NKAIN3: variants seen among roughly 807,000 people sequenced by gnomAD.
NKAIN3 encodes the protein sodium/potassium-transporting ATPase subunit beta-1-interacting protein 3.
In NKAIN3, 25 loss-of-function variants were observed where a neutral mutation model predicts 30.2. The ratio of observed to expected loss-of-function variants is 0.83; its 90% CI spans 0.60 to 1.16. The LOEUF (loss-of-function observed/expected upper bound fraction) is 1.16, where lower values mean the gene tolerates loss of function less well. NKAIN3 is among the 50% of genes most tolerant of loss of function. NKAIN3 has a pLI of 0.00. For missense variants in NKAIN3, 225 were observed against 254.1 expected (o/e 0.89, Z 0.78); for synonymous variants, 91 against 89.6 (o/e 1.02, Z -0.09).
chr8:62,320,583 C>T (rs1289923457), intron 1 of NKAIN3, among the ~76,000 whole-genome samples: 1 of 152,084 alleles, frequency 6.6e-6, no homozygotes, highest in Non-Finnish European at 1.5e-5. Flanking sequence ...ATTTCTCTTT[C>T]ACTTATGAAG....
chr8:62,317,436 T>C (rs752806118), intron 1 of NKAIN3, among the ~76,000 whole-genome samples: 6 of 152,218 alleles, frequency 3.9e-5, no homozygotes, highest in Non-Finnish European at 7.3e-5. Context: ...TCAATCCATC[T>C]TGAATTAATT....
chr8:62,694,234 C>G (rs1378859948), intron 3 of NKAIN3, among the ~76,000 whole-genome samples: 1 of 152,108 alleles, frequency 6.6e-6, no homozygotes, highest in Non-Finnish European at 1.5e-5. Context: ...CATTCATTCT[C>G]CCCACTACCC....
intron 1 of NKAIN3, among the ~76,000 whole-genome samples, chr8:62,519,008 A>G (rs1296539355): frequency 6.6e-6 from 1 of 150,832 alleles, no homozygotes. Context: ...TGAAGTGGAT[A>G]TATTTTCCCT....
chr8:62,577,939 A>G (rs997208498), intron 1 of NKAIN3, among the ~76,000 whole-genome samples: 8 of 151,998 alleles, frequency 5.3e-5, no homozygotes, highest in African/African-American at 1.9e-4. Context: ...AGGTAAATTC[A>G]GCTTACTGGA....
intron 3 of NKAIN3, among the ~76,000 whole-genome samples, chr8:62,650,261 A>C (rs1311122655): frequency 6.6e-6 from 1 of 151,946 alleles, no homozygotes; most frequent in Non-Finnish European, 1.5e-5. Flanking sequence ...CTTCTTTCCT[A>C]CTCAAATTAT....
intron 1 of NKAIN3, among the ~76,000 whole-genome samples, chr8:62,489,172 A>G (rs1806993017): frequency 7.1e-6 from 1 of 140,434 alleles, no homozygotes; most frequent in African/African-American, 2.7e-5. Flanking sequence ...GCCCGCCACC[A>G]CACCTGGCTA....
chr8:62,626,702 TA>T (rs1403731038), intron 3 of NKAIN3, among the ~76,000 whole-genome samples: 1 of 152,066 alleles, frequency 6.6e-6, no homozygotes, highest in East Asian at 1.9e-4. Context: ...CTTTCTATCT[TA>T]GGGTGGTCAT....
chr8:62,707,946 C>A (rs1235799611), intron 3 of NKAIN3, among the ~76,000 whole-genome samples: 1 of 152,076 alleles, frequency 6.6e-6, no homozygotes, highest in Non-Finnish European at 1.5e-5. Flanking sequence ...CTATATGTGG[C>A]TAGCCAGTTA....
At chr8:62,695,149 C>T (rs1814111119) in intron 3 of NKAIN3, among the ~76,000 whole-genome samples, 1 of 152,136 alleles carries the variant, frequency 6.6e-6, no homozygotes, top group Admixed American at 6.6e-5. Context: ...TTTTTACATG[C>T]TCAAAATGTT....
intron 3 of NKAIN3, among the ~76,000 whole-genome samples, chr8:62,599,449 A>G (rs1447922527): frequency 6.6e-6 from 1 of 152,074 alleles, no homozygotes; most frequent in Admixed American, 6.6e-5. Context: ...GGGTTGTGGA[A>G]AGAATTAAAT....
intron 3 of NKAIN3, among the ~76,000 whole-genome samples, chr8:62,737,192 G>A (rs148861542): frequency 2.0e-5 from 3 of 152,298 alleles, no homozygotes; most frequent in African/African-American, 7.2e-5. Context: ...GAGCTCCTGA[G>A]TGGGACCCAC....
intron 1 of NKAIN3, among the ~76,000 whole-genome samples, chr8:62,373,009 AT>A (rs1335525166): frequency 6.6e-6 from 1 of 152,138 alleles, no homozygotes; most frequent in Non-Finnish European, 1.5e-5. Context: ...CAATTGTAGA[AT>A]TTGTATATTT....
chr8:62,468,397 C>A (rs1481568330), intron 1 of NKAIN3, among the ~76,000 whole-genome samples: 1 of 152,096 alleles, frequency 6.6e-6, no homozygotes, highest in Non-Finnish European at 1.5e-5. Context: ...TGTGCCAAAC[C>A]AGTTTTGTTG....
At chr8:62,545,479 G>C (rs1808974877) in intron 1 of NKAIN3, among the ~76,000 whole-genome samples, 1 of 152,164 alleles carries the variant, frequency 6.6e-6, no homozygotes, top group Non-Finnish European at 1.5e-5. Flanking sequence ...TGAGGTAGGA[G>C]AATTACTTGA....
chr8:62,846,919 T>C (rs1819705727), intron 4 of NKAIN3, among the ~76,000 whole-genome samples: 1 of 152,078 alleles, frequency 6.6e-6, no homozygotes, highest in Non-Finnish European at 1.5e-5. Context: ...TTGTGCAGGG[T>C]AACTCCCATA....
chr8:62,267,483 A>T (rs1812644845), intron 1 of NKAIN3, among the ~76,000 whole-genome samples: 1 of 152,186 alleles, frequency 6.6e-6, no homozygotes, highest in Non-Finnish European at 1.5e-5. Context: ...ATTTAATATT[A>T]TAAGGTGGTT....
At chr8:62,272,561 A>G (rs928813305) in intron 1 of NKAIN3, among the ~76,000 whole-genome samples, 16 of 152,340 alleles carry the variant, frequency 1.1e-4, no homozygotes, top group African/African-American at 2.9e-4. Flanking sequence ...TACTTTGCCA[A>G]AACATTGCAA....
chr8:62,596,284 C>T (rs1171340748), intron 3 of NKAIN3, among the ~76,000 whole-genome samples: 1 of 151,990 alleles, frequency 6.6e-6, no homozygotes, highest in African/African-American at 2.4e-5. Context: ...GTGATTACTC[C>T]ATACTAGGGG....
intron 4 of NKAIN3, among the ~76,000 whole-genome samples, chr8:62,773,578 G>A (rs1425467471): frequency 6.6e-6 from 1 of 152,176 alleles, no homozygotes; most frequent in African/African-American, 2.4e-5. Context: ...CCCAAGTGCA[G>A]TGGGAGGGAC....
Sources: allele counts gnomAD v4.1 joint callset (sites outside exome capture counted in the v4.1 genomes callset), GRCh38; gene constraint gnomAD v4.1.1; transcripts MANE v1.5; gene names NCBI Gene and HGNC (gene_info 2026-07-23, HGNC 2026-07-21).